The following DEFA1 variants were observed in gnomAD, a reference collection of about 807,000 sequenced individuals.
DEFA1 encodes the protein defensin alpha 1, also known as neutrophil defensin 1.
intron 1 of DEFA1, among the ~76,000 whole-genome samples, 194 bp downstream of exon 1, chr8:6,979,819 A>C (rs1204073687): frequency 7.2e-6 from 1 of 139,578 alleles, no homozygotes. Context: ...GTTTAGAAGG[A>C]AACTGCTTGA....
chr8:6,979,726 T>C (rs1228761110), intron 1 of DEFA1, among the ~76,000 whole-genome samples: 4 of 130,238 alleles, frequency 3.1e-5, no homozygotes, highest in African/African-American at 1.1e-4. Context: ...ACCAAGGACC[T>C]AAATAGGTTT....
At chr8:6,979,839 TTAAGTTAGCTGG>T (rs1318839368) in intron 1 of DEFA1, among the ~76,000 whole-genome samples, 162 bp downstream of exon 1, 1 of 136,350 alleles carries the variant, frequency 7.3e-6, no homozygotes, top group Non-Finnish European at 1.6e-5. Context: ...AGTTTCTCTA[TTAAGTTAGCTGG>T]AAGCCATCGT....
rs1020397770 is a variant in DEFA1 at position 6,979,765 on chromosome 8, G to C, written c.-13+248C>G. Among the ~76,000 whole-genome samples the C allele has an allele frequency of 5.0e-5, 7 of 139,806 alleles. 1 individual carries two copies. Among genetic ancestry groups the C allele is most frequent in the African/African-American group, 1.8e-4 (7 of 37,910 alleles). The allele number at this position is 139,806 out of a possible 152,430, so 91.7% of individuals were successfully genotyped here. A position where few individuals can be genotyped will look rare whatever the true frequency, so the allele number is the denominator to read the frequency against. On this transcript the variant is annotated intron_variant, in intron 1 of 2. Transcript: ENST00000382692. ...TCAAAAGAATGTTCCAAAGACCTGT[G>C]ATAGTCTCTACTGGACATGTCAACC...
At chr8:6,979,781 C>G (rs1169225023) in intron 1 of DEFA1, among the ~76,000 whole-genome samples, 1 of 140,744 alleles carries the variant, frequency 7.1e-6, no homozygotes, top group East Asian at 2.3e-4. Flanking sequence ...CTCTACTGGA[C>G]ATGTCAACCA....
chr8:6,979,735 T>G (rs1009966938), intron 1 of DEFA1, among the ~76,000 whole-genome samples: 1 of 133,866 alleles, frequency 7.5e-6, no homozygotes, highest in Non-Finnish European at 1.6e-5. Flanking sequence ...CTAAATAGGT[T>G]TCTCTCAAAA....
chr8:6,979,639 G>A (rs1361298070), intron 1 of DEFA1, among the ~76,000 whole-genome samples: 2 of 57,924 alleles, frequency 3.5e-5, no homozygotes, highest in African/African-American at 7.1e-5. Context: ...CTACATGGCC[G>A]AAGGGGCAAA....
rs1278658493 is a variant in DEFA1, at chr8:6,979,717, C to G, written c.-13+296G>C. 2.4e-5 allele frequency among the ~76,000 whole-genome samples: 3 copies of G among 125,664 alleles called. 1 individual carries two copies. The highest frequency in any genetic ancestry group is 5.1e-5 in the Non-Finnish European group (3 of 59,196). 82.4% of individuals were successfully genotyped at this position (125,664 alleles called of 152,430 possible). A position where few individuals can be genotyped will look rare whatever the true frequency, so the allele number is the denominator to read the frequency against. On this transcript the variant is annotated intron_variant, in intron 1 of 2. Transcript: ENST00000382692. ...TCAAACAACCTGATTGAAAAACAGA[C>G]CAAGGACCTAAATAGGTTTCTCTCA...
At chr8:6,979,867 G>A (rs1810328128) in intron 1 of DEFA1, 146 bp downstream of exon 1, 1 of 122,578 alleles carries the variant, frequency 8.2e-6, no homozygotes, top group African/African-American at 3.1e-5. Flanking sequence ...ATCGTCCCCA[G>A]CAGTCACCAG....
intron 1 of DEFA1, among the ~76,000 whole-genome samples, 189 bp downstream of exon 1, chr8:6,979,824 G>C (rs1359539282): frequency 7.2e-6 from 1 of 139,152 alleles, no homozygotes; most frequent in Non-Finnish European, 1.6e-5. Context: ...GAAGGAAACT[G>C]CTTGAGTTTC....
intron 1 of DEFA1, among the ~76,000 whole-genome samples, chr8:6,979,633 A>G (rs1434434434): frequency 3.6e-5 from 2 of 54,976 alleles, no homozygotes; most frequent in Non-Finnish European, 6.7e-5. Flanking sequence ...CAAAACCTAC[A>G]TGGCCGAAGG....
chr8:6,979,870 G>T lies in DEFA1; in HGVS notation c.-13+143C>A, dbSNP rs1810328398. On this transcript the variant is annotated intron_variant, in intron 1 of 2. Transcript: ENST00000382692. ...TAGCTGGAAGCCATCGTCCCCAGCA[G>T]TCACCAGAGGTCCGGACAGACGTTC... 6.7e-5 allele frequency: 8 copies of T among 118,690 alleles called. 1 individual carries two copies. In the South Asian group the frequency reaches 2.5e-3, roughly 36 times the overall value. The allele number at this position is 118,690 out of a possible 1,614,324, so 7.4% of individuals were successfully genotyped here.
At chr8:6,979,452 A>C (rs1810315924) in intron 1 of DEFA1, among the ~76,000 whole-genome samples, 1 of 23,100 alleles carries the variant, frequency 4.3e-5, no homozygotes, top group African/African-American at 1.9e-4. Context: ...TAGAAGGATA[A>C]AGCTTTTGAC....
intron 1 of DEFA1, among the ~76,000 whole-genome samples, chr8:6,979,782 A>C (rs1272161934): frequency 1.4e-5 from 2 of 140,832 alleles, no homozygotes; most frequent in African/African-American, 5.2e-5. Context: ...TCTACTGGAC[A>C]TGTCAACCAG....
chr8:6,979,750 G>T (rs200245128), intron 1 of DEFA1, among the ~76,000 whole-genome samples: 1 of 137,234 alleles, frequency 7.3e-6, no homozygotes, highest in African/African-American at 2.7e-5. Flanking sequence ...TCAAAAGAAT[G>T]TTCCAAAGAC....
In DEFA1 at chr8:6,979,713, C is replaced by G. The variant is rs1208574369; in HGVS notation, c.-13+300G>C. Among the ~76,000 whole-genome samples, 7 of 124,184 alleles carry G rather than the reference C, an allele frequency of 5.6e-5. 2 individuals are homozygous for G. Among genetic ancestry groups the G allele is most frequent in the Non-Finnish European group, 1.0e-4 (6 of 58,590 alleles). 81.5% of individuals were successfully genotyped at this position (124,184 alleles called of 152,430 possible). On this transcript the variant is annotated intron_variant, in intron 1 of 2. Coordinates refer to ENST00000382692, the MANE Select transcript of DEFA1 (RefSeq NM_004084.4). ...AAAATCAAACAACCTGATTGAAAAACAGACCAAGGACCTAAATAGGTTTCT... is the reference window on the plus strand; with the variant it reads ...AAAATCAAACAACCTGATTGAAAAAGAGACCAAGGACCTAAATAGGTTTCT...
intron 1 of DEFA1, among the ~76,000 whole-genome samples, 159 bp downstream of exon 1, chr8:6,979,854 G>A (rs1413300053): frequency 7.6e-6 from 1 of 131,396 alleles, no homozygotes; most frequent in Non-Finnish European, 1.6e-5. Context: ...TTAGCTGGAA[G>A]CCATCGTCCC....
rs527382621 is a variant in DEFA1, at chr8:6,980,081, C to G, written c.-81G>C. 2,857 of 86,748 alleles carry G rather than the reference C, an allele frequency of 0.033. 169 individuals carry two copies. Among genetic ancestry groups the G allele is most frequent in the African/African-American group, 0.15 (2,681 of 18,448 alleles). The allele number at this position is 86,748 out of a possible 1,614,324, so 5.4% of individuals were successfully genotyped here. ...GTCCTCTGTCCCAGGTCTTCTATAG[C>G]AAGGAGCAGCCGTGCACAAGTGGAC... On this transcript the variant is annotated 5_prime_UTR_variant, in exon 1 of 3. Transcript: ENST00000382692.
At chr8:6,979,875 C>G (rs1810328663) in intron 1 of DEFA1, 138 bp downstream of exon 1, 1 of 114,938 alleles carries the variant, frequency 8.7e-6, no homozygotes, top group East Asian at 3.0e-4. Flanking sequence ...CAGCAGTCAC[C>G]AGAGGTCCGG....
At chr8:6,979,747 A>T (rs1810323554) in intron 1 of DEFA1, among the ~76,000 whole-genome samples, 1 of 136,676 alleles carries the variant, frequency 7.3e-6, no homozygotes, top group Admixed American at 7.8e-5. Context: ...CTCTCAAAAG[A>T]ATGTTCCAAA....
Sources: allele counts gnomAD v4.1 joint callset (sites outside exome capture counted in the v4.1 genomes callset), GRCh38; gene constraint gnomAD v4.1.1; transcripts MANE v1.5; gene names NCBI Gene and HGNC (gene_info 2026-07-23, HGNC 2026-07-21).